The following DPP6 variants were observed in gnomAD, a reference collection of about 807,000 sequenced individuals.
The protein encoded by DPP6 is dipeptidyl peptidase like 6.
A neutral mutation model predicts 122.6 loss-of-function variants in DPP6; 69 were observed. The ratio of observed to expected loss-of-function variants is 0.56; its 90% CI spans 0.46 to 0.69. DPP6 has a LOEUF of 0.69. DPP6 is among the 30% of genes least tolerant of loss of function. DPP6 has a pLI of 0.00. For missense variants in DPP6, 928 were observed against 1,116.9 expected (o/e 0.83, Z 2.41); for synonymous variants, 418 against 433.1 (o/e 0.97, Z 0.43).
intron 1 of DPP6, among the ~76,000 whole-genome samples, chr7:154,361,949 C>T (rs554621593): frequency 1.3e-5 from 2 of 152,342 alleles, no homozygotes; most frequent in East Asian, 3.9e-4. Context: ...TGGCTCACAT[C>T]TGGAGTGTCA....
intron 5 of DPP6, among the ~76,000 whole-genome samples, chr7:154,576,483 G>T (rs1276607404): frequency 6.6e-6 from 1 of 152,116 alleles, no homozygotes; most frequent in East Asian, 1.9e-4. Flanking sequence ...TAGTAGAAAG[G>T]GAGGAAATAG....
chr7:154,033,636 A>T (rs528023855), intron 1 of DPP6, among the ~76,000 whole-genome samples: 1 of 152,310 alleles, frequency 6.6e-6, no homozygotes, highest in African/African-American at 2.4e-5. Flanking sequence ...TCTGTCTTTG[A>T]TGCAGTGATA....
chr7:154,800,526 C>G (rs1426268286), intron 12 of DPP6, among the ~76,000 whole-genome samples: 1 of 152,240 alleles, frequency 6.6e-6, no homozygotes, highest in Non-Finnish European at 1.5e-5. Flanking sequence ...AACAGCCACC[C>G]TGTGGGCTGG....
At chr7:154,059,883 C>A (rs909187307) in intron 1 of DPP6, among the ~76,000 whole-genome samples, 1 of 151,706 alleles carries the variant, frequency 6.6e-6, no homozygotes, top group African/African-American at 2.4e-5. Flanking sequence ...GCCTTGGCAG[C>A]AACTGCCCTG....
chr7:153,941,912 C>T (rs896577796), intron 1 of DPP6, among the ~76,000 whole-genome samples: 4 of 152,028 alleles, frequency 2.6e-5, no homozygotes, highest in Admixed American at 1.3e-4. Flanking sequence ...CAGGAAAGTT[C>T]GATTTCCATA....
intron 1 of DPP6, among the ~76,000 whole-genome samples, chr7:154,351,836 C>A (rs779714342): frequency 1.3e-5 from 2 of 152,144 alleles, no homozygotes; most frequent in Admixed American, 6.5e-5. Flanking sequence ...AGCTGAGCAC[C>A]GGCTTGTCTC....
At chr7:154,509,697 T>C (rs998848620) in intron 3 of DPP6, among the ~76,000 whole-genome samples, 3 of 152,184 alleles carry the variant, frequency 2.0e-5, no homozygotes, top group African/African-American at 7.2e-5. Flanking sequence ...ATAATATTCA[T>C]AATAGCCAAA....
chr7:154,033,679 C>T (rs1314712912), intron 1 of DPP6, among the ~76,000 whole-genome samples: 2 of 152,172 alleles, frequency 1.3e-5, no homozygotes, highest in Non-Finnish European at 2.9e-5. Flanking sequence ...TAAGCTAGAC[C>T]AGCAGTTGCC....
At chr7:154,353,289 G>T (rs79421929) in intron 1 of DPP6, among the ~76,000 whole-genome samples, 4,435 of 152,192 alleles carry the variant, frequency 0.029, 111 homozygotes, top group Non-Finnish European at 0.039. Flanking sequence ...TTATTTTCTC[G>T]TAGCAAGAGT....
rs550332450 is a variant in DPP6 at position 154,527,421 on chromosome 7, A to G, written c.458-13111A>G. Among the ~76,000 whole-genome samples the G allele has an allele frequency of 5.3e-5, 8 of 152,308 alleles. No individual in the cohort carries two copies. In the South Asian group the frequency reaches 1.7e-3, roughly 32 times the overall value. ...TTCTAGACTGCAGTGTGGATACTGG[A>G]GATTACAGATTAATATTTTATGACC... On this transcript the variant is annotated intron_variant, in intron 3 of 25. Transcript: ENST00000377770.
At chr7:154,348,239 G>A (rs1810560905) in intron 1 of DPP6, among the ~76,000 whole-genome samples, 1 of 152,200 alleles carries the variant, frequency 6.6e-6, no homozygotes, top group African/African-American at 2.4e-5. Context: ...AAAGTGATCT[G>A]AAAGTCATAC....
intron 1 of DPP6, among the ~76,000 whole-genome samples, chr7:154,413,916 C>T (rs1816814402): frequency 6.6e-6 from 1 of 152,124 alleles, no homozygotes; most frequent in African/African-American, 2.4e-5. Flanking sequence ...AAAATGCTTT[C>T]CTGAACATGT....
chr7:154,303,714 C>T (rs559239804), intron 1 of DPP6, among the ~76,000 whole-genome samples: 1 of 152,306 alleles, frequency 6.6e-6, no homozygotes, highest in African/African-American at 2.4e-5. Context: ...GTTTTCATTT[C>T]TTTACCCCTG....
chr7:154,219,115 T>C (rs1800162928), intron 1 of DPP6, among the ~76,000 whole-genome samples: 1 of 152,198 alleles, frequency 6.6e-6, no homozygotes, highest in African/African-American at 2.4e-5. Flanking sequence ...CAAGACAGAC[T>C]TGATGGTGGG....
At chr7:153,910,931 A>G (rs549339811) in intron 1 of DPP6, among the ~76,000 whole-genome samples, 10 of 152,256 alleles carry the variant, frequency 6.6e-5, no homozygotes, top group African/African-American at 2.2e-4. Context: ...CTGGACTGCA[A>G]GTGGACTCTT....
chr7:154,462,741 T>C (rs1237480476), intron 2 of DPP6, among the ~76,000 whole-genome samples: 2 of 152,046 alleles, frequency 1.3e-5, no homozygotes, highest in Non-Finnish European at 2.9e-5. Context: ...TGCTGGTGTG[T>C]TGCACCCATC....
intron 1 of DPP6, among the ~76,000 whole-genome samples, chr7:154,234,560 A>G (rs1479003565): frequency 1.3e-5 from 2 of 152,056 alleles, no homozygotes; most frequent in African/African-American, 4.8e-5. Context: ...GGGCTTAGAT[A>G]TTATCACTTA....
At chr7:154,456,394 T>C (rs1300144629) in intron 2 of DPP6, among the ~76,000 whole-genome samples, 1 of 152,240 alleles carries the variant, frequency 6.6e-6, no homozygotes, top group Non-Finnish European at 1.5e-5. Flanking sequence ...TTGCAGGACC[T>C]CCCATTTAAT....
intron 1 of DPP6, among the ~76,000 whole-genome samples, chr7:154,064,289 C>T (rs1802528425): frequency 6.6e-6 from 1 of 152,174 alleles, no homozygotes; most frequent in Admixed American, 6.5e-5. Flanking sequence ...GAGCTCTTCC[C>T]TGCTACACTC....
Sources: allele counts gnomAD v4.1 joint callset (sites outside exome capture counted in the v4.1 genomes callset), GRCh38; gene constraint gnomAD v4.1.1; transcripts MANE v1.5; gene names NCBI Gene and HGNC (gene_info 2026-07-23, HGNC 2026-07-21).